Variants in DNER observed in about 807,000 individuals in gnomAD.
DNER encodes delta and Notch-like epidermal growth factor-related receptor.
Under a neutral mutation model 78.2 loss-of-function variants are expected in DNER, and 33 were observed. That is an observed-to-expected ratio of 0.42 (90% confidence interval 0.32 to 0.56). The LOEUF (loss-of-function observed/expected upper bound fraction) is 0.56, where lower values mean the gene tolerates loss of function less well. DNER is among the 20% of genes least tolerant of loss of function. The probability of loss-of-function intolerance (pLI) is 0.11; values close to 1 mark genes in which losing one functional copy is unlikely to be tolerated. For missense variants in DNER, 918 were observed against 975.3 expected (o/e 0.94, Z 0.78); for synonymous variants, 417 against 384.8 (o/e 1.08, Z -0.98).
chr2:229,501,892 T>G (rs1314332502), intron 6 of DNER, among the ~76,000 whole-genome samples: 1 of 152,184 alleles, frequency 6.6e-6, no homozygotes, highest in African/African-American at 2.4e-5. Flanking sequence ...CAGCTCATAG[T>G]TGACCAACAA....
chr2:229,510,995 C>T (rs1487084622), intron 6 of DNER, among the ~76,000 whole-genome samples: 3 of 152,322 alleles, frequency 2.0e-5, no homozygotes, highest in East Asian at 3.9e-4. Context: ...CTCTGACCTA[C>T]ACACAGACAC....
chr2:229,477,094 A>AT, intron 7 of DNER, 46 bp downstream of exon 7: 1 of 1,468,984 alleles, frequency 6.8e-7, no homozygotes, highest in Non-Finnish European at 9.5e-7. Flanking sequence ...TTAGTTTATG[A>AT]TTTAAAATGA....
intron 1 of DNER, among the ~76,000 whole-genome samples, chr2:229,634,569 G>A (rs1156339700): frequency 2.0e-5 from 3 of 152,238 alleles, no homozygotes; most frequent in East Asian, 1.9e-4. Flanking sequence ...AATTACATCC[G>A]GAATTTGCTT....
chr2:229,518,014 C>T (rs1286763639), intron 5 of DNER, among the ~76,000 whole-genome samples: 1 of 152,200 alleles, frequency 6.6e-6, no homozygotes. Flanking sequence ...TACCTTGTTT[C>T]ATTACAATAG....
intron 5 of DNER, among the ~76,000 whole-genome samples, chr2:229,544,357 G>C (rs1466035072): frequency 6.6e-6 from 1 of 152,168 alleles, no homozygotes; most frequent in African/African-American, 2.4e-5. Flanking sequence ...ACTCCCAGAA[G>C]CAGGGAGAGT....
At chr2:229,620,108 C>A (rs993317877) in intron 1 of DNER, among the ~76,000 whole-genome samples, 1 of 151,776 alleles carries the variant, frequency 6.6e-6, no homozygotes, top group Admixed American at 6.6e-5. Flanking sequence ...TGTTCAGAAC[C>A]AAAGCGACTC....
chr2:229,666,769 C>A (rs1372830804), intron 1 of DNER, among the ~76,000 whole-genome samples: 1 of 152,156 alleles, frequency 6.6e-6, no homozygotes. Context: ...TCAATTAATA[C>A]CATTCTGTTG....
At chr2:229,560,666 T>C (rs1039919842) in intron 4 of DNER, among the ~76,000 whole-genome samples, 1 of 152,130 alleles carries the variant, frequency 6.6e-6, no homozygotes, top group Non-Finnish European at 1.5e-5. Context: ...ACTTGTGGGC[T>C]GGGAAACAAA....
intron 8 of DNER, among the ~76,000 whole-genome samples, chr2:229,421,631 A>G (rs1333450050): frequency 5.1e-5 from 1 of 19,464 alleles, no homozygotes. Flanking sequence ...AACATGAAAT[A>G]TATATATATA....
At chr2:229,535,299 T>C (rs1696380561) in intron 5 of DNER, among the ~76,000 whole-genome samples, 2 of 152,202 alleles carry the variant, frequency 1.3e-5, no homozygotes, top group African/African-American at 4.8e-5. Context: ...AACAGTTTTG[T>C]AAATAAAACG....
chr2:229,508,639 T>C (rs1025875684), intron 6 of DNER, among the ~76,000 whole-genome samples: 3 of 152,060 alleles, frequency 2.0e-5, no homozygotes, highest in Admixed American at 1.3e-4. Flanking sequence ...CCCAGCACTT[T>C]GGGAGGCCGA....
At chr2:229,568,866 G>A (rs532776432) in intron 4 of DNER, among the ~76,000 whole-genome samples, 1 of 152,164 alleles carries the variant, frequency 6.6e-6, no homozygotes, top group East Asian at 1.9e-4. Context: ...CTGGCCCTAA[G>A]CCAACAGATC....
At chr2:229,382,008 T>C (rs1201588493) in intron 11 of DNER, among the ~76,000 whole-genome samples, 1 of 152,094 alleles carries the variant, frequency 6.6e-6, no homozygotes, top group Non-Finnish European at 1.5e-5. Flanking sequence ...ACACCTCATA[T>C]AGGAGAACTC....
At chr2:229,710,202 C>T (rs1699889755) in intron 1 of DNER, among the ~76,000 whole-genome samples, 1 of 152,160 alleles carries the variant, frequency 6.6e-6, no homozygotes, top group African/African-American at 2.4e-5. Flanking sequence ...CAGCTGAGCA[C>T]ACTCATACAA....
chr2:229,452,599 G>A (rs537082569), intron 7 of DNER, among the ~76,000 whole-genome samples: 1 of 151,892 alleles, frequency 6.6e-6, no homozygotes, highest in Non-Finnish European at 1.5e-5. Flanking sequence ...TCCTGTTTGA[G>A]CCTTGTCTAT....
intron 1 of DNER, among the ~76,000 whole-genome samples, chr2:229,612,579 G>C (rs1316776063): frequency 5.9e-5 from 9 of 152,228 alleles, no homozygotes; most frequent in Non-Finnish European, 1.2e-4. Flanking sequence ...GAAGCTTGCA[G>C]CTCTATGATT....
chr2:229,695,213 A>G (rs937726452), intron 1 of DNER, among the ~76,000 whole-genome samples: 2 of 152,184 alleles, frequency 1.3e-5, no homozygotes, highest in Non-Finnish European at 2.9e-5. Context: ...TCCTTTATAA[A>G]TCAGCCAGTC....
intron 11 of DNER, among the ~76,000 whole-genome samples, chr2:229,387,425 T>C (rs368812700): frequency 1.9e-4 from 29 of 150,442 alleles, no homozygotes; most frequent in African/African-American, 6.1e-4. Context: ...TGTATACCTA[T>C]GTAACAAACC....
chr2:229,512,487 G>A (rs1695884457), intron 6 of DNER, among the ~76,000 whole-genome samples: 1 of 152,012 alleles, frequency 6.6e-6, no homozygotes, highest in African/African-American at 2.4e-5. Context: ...AACATCATAT[G>A]TTCTCACTCA....
Sources: allele counts gnomAD v4.1 joint callset (sites outside exome capture counted in the v4.1 genomes callset), GRCh38; gene constraint gnomAD v4.1.1; transcripts MANE v1.5; gene names NCBI Gene and HGNC (gene_info 2026-07-23, HGNC 2026-07-21).